MICU3: variants seen among roughly 807,000 people sequenced by gnomAD.
MICU3 encodes calcium uptake protein 3, mitochondrial.
A neutral mutation model predicts 66.5 loss-of-function variants in MICU3; 62 were observed. The observed-to-expected ratio is 0.93, with a 90% confidence interval of 0.76 to 1.15. MICU3 has a LOEUF of 1.15. Ranked by LOEUF, MICU3 falls within the 50% of genes most tolerant of loss-of-function variation. The pLI is 0.00. For synonymous variants in MICU3, 308 were observed against 240.7 expected (o/e 1.28, Z -2.59); for missense variants, 779 against 664.4 (o/e 1.17, Z -1.90).
intron 5 of MICU3, among the ~76,000 whole-genome samples, chr8:17,082,426 T>C (rs1252012070): frequency 6.6e-6 from 1 of 152,154 alleles, no homozygotes; most frequent in Non-Finnish European, 1.5e-5. Context: ...GGCCAGCCTC[T>C]CTAACATAGC....
chr8:17,033,275 G>C (rs1439655316), intron 1 of MICU3, among the ~76,000 whole-genome samples: 1 of 152,172 alleles, frequency 6.6e-6, no homozygotes, highest in Non-Finnish European at 1.5e-5. Context: ...CAGCGGAAAA[G>C]TTTTTGAAGG....
At chr8:17,049,488 A>G (rs1315934321) in intron 1 of MICU3, 1 of 481,360 alleles carries the variant, frequency 2.1e-6, no homozygotes, top group East Asian at 6.9e-5. Flanking sequence ...TTTTCATTTA[A>G]TCTTTACAGT....
chr8:17,110,695 C>T (rs1198466102), intron 11 of MICU3, among the ~76,000 whole-genome samples: 1 of 151,908 alleles, frequency 6.6e-6, no homozygotes, highest in African/African-American at 2.4e-5. Flanking sequence ...TCCCAGGGAG[C>T]TGGGACTATA....
At chr8:17,041,593 AT>A (rs539571746) in intron 1 of MICU3, among the ~76,000 whole-genome samples, 169 of 147,018 alleles carry the variant, frequency 1.1e-3, no homozygotes, top group Middle Eastern at 7.0e-3. Context: ...CATGGAATTG[AT>A]TTTTTTTTTT....
In MICU3 at chr8:17,099,064, C is replaced by T. The variant is rs575491670; in HGVS notation, c.984+511C>T. On this transcript the variant is annotated intron_variant, in intron 9 of 14. Transcript: ENST00000318063. ...TGCATAGTGAAAATAAAAAGCAGAC[C>T]GACCTTATTTCAGTTCTATTACTGT... is the stretch of plus-strand genomic sequence containing the variant. Among the ~76,000 whole-genome samples, 22 of 151,640 alleles carry T rather than the reference C, an allele frequency of 1.5e-4. No individual in the cohort carries two copies. In the East Asian group the frequency reaches 2.5e-3, roughly 17 times the overall value.
chr8:17,030,894 T>G (rs1811914642), intron 1 of MICU3, among the ~76,000 whole-genome samples: 1 of 152,228 alleles, frequency 6.6e-6, no homozygotes, highest in Admixed American at 6.5e-5. Context: ...CTCCTCCATC[T>G]CTTCAATTTT....
At chr8:17,101,176 AAAGT>A (rs1801222883) in intron 9 of MICU3, among the ~76,000 whole-genome samples, 1 of 151,820 alleles carries the variant, frequency 6.6e-6, no homozygotes, top group Non-Finnish European at 1.5e-5. Flanking sequence ...TAATCAAAAC[AAAGT>A]AAGATAATGT....
At chr8:17,028,895 C>T (rs1456984226) in intron 1 of MICU3, among the ~76,000 whole-genome samples, 3 of 152,076 alleles carry the variant, frequency 2.0e-5, no homozygotes, top group Admixed American at 6.5e-5. Flanking sequence ...AGGAACAGAT[C>T]AGCAAGGTAG....
At chr8:17,086,214 C>T (rs1799451132) in intron 6 of MICU3, among the ~76,000 whole-genome samples, 1 of 152,000 alleles carries the variant, frequency 6.6e-6, no homozygotes. Flanking sequence ...CTCAGAAAAC[C>T]TCTGAAAGAG....
At chr8:17,060,953 C>T (rs781432873) in intron 1 of MICU3, among the ~76,000 whole-genome samples, 3 of 152,130 alleles carry the variant, frequency 2.0e-5, no homozygotes, top group South Asian at 4.1e-4. Context: ...GGAGTGGATT[C>T]GTAAAGTGGA....
At chr8:17,069,809 T>A (rs1819277507) in intron 3 of MICU3, 90 bp downstream of exon 3, 1 of 415,396 alleles carries the variant, frequency 2.4e-6, no homozygotes, top group Admixed American at 4.9e-5. Flanking sequence ...TAAAATATAT[T>A]ATGTATTTTT....
chr8:17,027,826 CCA>C (rs1293898012), intron 1 of MICU3, among the ~76,000 whole-genome samples, 166 bp downstream of exon 1: 1 of 152,172 alleles, frequency 6.6e-6, no homozygotes, highest in Non-Finnish European at 1.5e-5. Flanking sequence ...ATCCGGTCAC[CCA>C]CGTATTGGGA....
At chr8:17,092,185 T>C (rs1036439683) in intron 8 of MICU3, among the ~76,000 whole-genome samples, 5 of 152,182 alleles carry the variant, frequency 3.3e-5, no homozygotes, top group Admixed American at 3.3e-4. Context: ...CTATGATTTA[T>C]TTTTCTAATG....
Position 17,091,965 on chromosome 8 carries a change from A to G in MICU3, c.888+1381A>G, listed in dbSNP as rs551283159. The stretch of plus-strand genomic sequence containing the variant: ...TGATCTCAGCTCACTGCAACCTCCA[A>G]CTCCCTGGTTCAAGTGATTCTTCTG... On this transcript the variant is annotated intron_variant, in intron 8 of 14. Transcript: ENST00000318063. 4.1e-4 allele frequency among the ~76,000 whole-genome samples: 62 copies of G among 151,712 alleles called. 1 individual carries two copies. The highest frequency in any genetic ancestry group is 1.4e-3 in the African/African-American group (59 of 41,402).
chr8:17,092,554 G>T (rs1171951591), intron 8 of MICU3, among the ~76,000 whole-genome samples: 1 of 151,838 alleles, frequency 6.6e-6, no homozygotes, highest in Non-Finnish European at 1.5e-5. Context: ...ACATTAAAGT[G>T]ATGTAACTTG....
At chr8:17,128,331 A>G in the MICU3 span, among the ~76,000 whole-genome samples, 4 of 152,196 alleles carry the variant, frequency 2.6e-5, no homozygotes, top group South Asian at 2.1e-4. Context: ...CATAAACTTT[A>G]AAAGAATTCA....
chr8:17,077,761 A>T, intron 3 of MICU3, 22 bp from the exon 4 acceptor site: 6 of 1,544,908 alleles, frequency 3.9e-6, no homozygotes, highest in Non-Finnish European at 5.3e-6. Context: ...CCAATTCATC[A>T]GTAGTATAAC....
chr8:17,031,904 G>T (rs1226421097), intron 1 of MICU3, among the ~76,000 whole-genome samples: 2 of 152,122 alleles, frequency 1.3e-5, no homozygotes, highest in Non-Finnish European at 2.9e-5. Context: ...TTCAGATAAT[G>T]TCTTTTTTTG....
intron 1 of MICU3, among the ~76,000 whole-genome samples, chr8:17,042,280 C>G (rs1202532188): frequency 6.6e-6 from 1 of 152,150 alleles, no homozygotes; most frequent in Non-Finnish European, 1.5e-5. Flanking sequence ...ACTTGATAGA[C>G]AAGTTTTAAC....
Sources: allele counts gnomAD v4.1 joint callset (sites outside exome capture counted in the v4.1 genomes callset), GRCh38; gene constraint gnomAD v4.1.1; transcripts MANE v1.5; gene names NCBI Gene and HGNC (gene_info 2026-07-23, HGNC 2026-07-21).